Variants in TBC1D32 observed in about 807,000 individuals in gnomAD.
TBC1D32 encodes the protein TBC1 domain family member 32.
In TBC1D32, 151 loss-of-function variants were observed where a neutral mutation model predicts 170.3. The observed-to-expected ratio is 0.89, with a 90% CI of 0.78 to 1.01. The LOEUF (loss-of-function observed/expected upper bound fraction) is 1.01. TBC1D32 is among the 50% of genes least tolerant of loss of function. The pLI is 0.00. For synonymous variants in TBC1D32, 498 were observed against 488.0 expected, an observed-to-expected ratio of 1.02 and a Z score of -0.27; for missense variants, 1,464 against 1,457.1, an observed-to-expected ratio of 1.00 and a Z score of -0.08.
chr6:121,106,015 T>C lies in TBC1D32; in HGVS notation c.3465+8A>G. ...GAGTTGGAGAAATGCTACTCCCTTA[T>C]GGATTACCTGTGATGGTGCAAAACC... On this transcript the variant is annotated splice_region_variant and intron_variant, in intron 30 of 31. Coordinates refer to ENST00000398212, the MANE Select transcript of TBC1D32 (RefSeq NM_152730.6). 6.3e-7 allele frequency: 1 copy of C among 1,598,952 alleles called. No homozygotes were observed. Among genetic ancestry groups the C allele is most frequent in the Non-Finnish European group, 8.5e-7 (1 of 1,170,226 alleles).
chr6:121,089,743 A>C (rs1203401881), intron 31 of TBC1D32, among the ~76,000 whole-genome samples: 1 of 152,170 alleles, frequency 6.6e-6, no homozygotes, highest in Non-Finnish European at 1.5e-5. Flanking sequence ...TTAAAGAAAA[A>C]TATCGTTAAA....
chr6:121,113,109 CAATGCTTT>C lies in TBC1D32; in HGVS notation c.3114_3121del (p.Lys1039Ter). On this transcript the variant is annotated frameshift_variant, in exon 28 of 32. Transcript: ENST00000398212. LOFTEE classifies it high-confidence loss of function. Reference sequence around the variant, plus strand: ...TTGCTGCTGTTTCAGGAATCTCTCACAATGCTTTAAAACCCAGGTAAGATCATTTTCTG... The same window carrying C: ...TTGCTGCTGTTTCAGGAATCTCTCACAAAACCCAGGTAAGATCATTTTCTG... 10 of 1,611,446 alleles carry C rather than the reference CAATGCTTT, an allele frequency of 6.2e-6. No homozygotes were observed. The highest frequency in any genetic ancestry group is 8.5e-6 in the Non-Finnish European group (10 of 1,178,838).
intron 12 of TBC1D32, among the ~76,000 whole-genome samples, chr6:121,289,575 A>G (rs1221331792): frequency 6.6e-6 from 1 of 152,240 alleles, no homozygotes; most frequent in African/African-American, 2.4e-5. Context: ...CATACTGCCC[A>G]AGGCAATTTA....
rs777664246 is a variant in TBC1D32 at position 121,242,303 on chromosome 6, T to C, written c.2055A>G (p.Leu685=). ...ATCCTTTGGGGGTGGCAGCAAAATG[T>C]AGTAAATCATCTAACAAATTATCTT... ...AWEDNLLDDL[L]HFAATPKGLL... is the part of the protein sequence containing the mutation. The change falls in exon 18 of 32, where the codon CTA becomes CTG. Residue 685 remains leucine, a synonymous_variant. Coordinates refer to ENST00000398212, the MANE Select transcript of TBC1D32 (RefSeq NM_152730.6). 9 of 1,612,810 alleles carry C rather than the reference T, an allele frequency of 5.6e-6. No individual in the cohort carries two copies. The highest frequency in any genetic ancestry group is 2.7e-5 in the African/African-American group (2 of 74,892).
chr6:121,233,441 G>C (rs1228196369), intron 20 of TBC1D32, among the ~76,000 whole-genome samples: 1 of 152,068 alleles, frequency 6.6e-6, no homozygotes, highest in Non-Finnish European at 1.5e-5. Flanking sequence ...TGTGGGACTA[G>C]TCTTTTTATC....
At chr6:121,188,074 G>C (rs1245536324) in intron 22 of TBC1D32, among the ~76,000 whole-genome samples, 1 of 152,158 alleles carries the variant, frequency 6.6e-6, no homozygotes, top group Non-Finnish European at 1.5e-5. Context: ...CACTTTAATT[G>C]AATGGCTTAA....
intron 15 of TBC1D32, among the ~76,000 whole-genome samples, chr6:121,276,945 A>G (rs1802300874): frequency 6.6e-6 from 1 of 152,194 alleles, no homozygotes; most frequent in Admixed American, 6.5e-5. Flanking sequence ...AAATAGATGA[A>G]TTCACTAATA....
At chr6:121,152,770 A>G (rs575785577) in intron 24 of TBC1D32, among the ~76,000 whole-genome samples, 149 of 151,840 alleles carry the variant, frequency 9.8e-4, no homozygotes, top group Admixed American at 3.0e-3. Context: ...TCCCTGATAC[A>G]CTTTCTTCCG....
At chr6:121,114,088 C>T (rs1459049417) in intron 27 of TBC1D32, among the ~76,000 whole-genome samples, 3 of 152,056 alleles carry the variant, frequency 2.0e-5, no homozygotes, top group African/African-American at 7.2e-5. Flanking sequence ...GCAGGAGAAT[C>T]ACCTGAACCT....
At chr6:121,272,965 T>C (rs1463350552) in intron 15 of TBC1D32, among the ~76,000 whole-genome samples, 2 of 151,796 alleles carry the variant, frequency 1.3e-5, no homozygotes, top group African/African-American at 4.8e-5. Context: ...TGTAGGAACA[T>C]GGATGAAACT....
Position 121,283,836 on chromosome 6 carries a change from T to G in TBC1D32, c.1447A>C (p.Thr483Pro). ...IYYSPSCPKM[T>P]SAAHSENYSP... is the part of the protein sequence containing the mutation. Reference sequence around the variant, plus strand: ...GAATTACCTGAATGGGCAGCTGATGTCATCTTTGGACAACTTGGTGAGTAA... The same window carrying G: ...GAATTACCTGAATGGGCAGCTGATGGCATCTTTGGACAACTTGGTGAGTAA... The change falls in exon 13 of 32, where the codon ACA becomes CCA. Residue 483 changes from threonine (T) to proline (P), a missense_variant. By Grantham distance (38) the Thr-to-Pro change is conservative. Around this residue, in one of 3 missense-constraint regions of TBC1D32, gnomAD observed 1,363 missense variants for 1,338.1 expected, o/e 1.02. Transcript: ENST00000398212. The G allele has an allele frequency of 6.2e-7, 1 of 1,609,294 alleles. No homozygotes were observed. Among genetic ancestry groups the G allele is most frequent in the Non-Finnish European group, 8.5e-7 (1 of 1,176,894 alleles).
intron 22 of TBC1D32, among the ~76,000 whole-genome samples, chr6:121,178,651 G>A (rs1788099423): frequency 6.6e-6 from 1 of 152,056 alleles, no homozygotes; most frequent in Non-Finnish European, 1.5e-5. Context: ...GTGTAGGCAG[G>A]TCCTATGATA....
chr6:121,107,711 A>C (rs1285905992), intron 29 of TBC1D32, among the ~76,000 whole-genome samples: 1 of 151,948 alleles, frequency 6.6e-6, no homozygotes, highest in Non-Finnish European at 1.5e-5. Context: ...TCATAAGTGT[A>C]TTTTAGTTTT....
chr6:121,294,856 A>G (rs993358272), intron 10 of TBC1D32, among the ~76,000 whole-genome samples, 196 bp from the exon 11 acceptor site: 47 of 152,214 alleles, frequency 3.1e-4, no homozygotes, highest in African/African-American at 1.1e-3. Context: ...GAACACTGTG[A>G]AAATATTTGT....
chr6:121,300,204 G>A (rs1806253491), intron 9 of TBC1D32, among the ~76,000 whole-genome samples: 1 of 152,132 alleles, frequency 6.6e-6, no homozygotes, highest in African/African-American at 2.4e-5. Context: ...AGCACTTTGA[G>A]AGGATGAGGC....
chr6:121,100,812 A>G (rs1451102467), intron 30 of TBC1D32, among the ~76,000 whole-genome samples: 1 of 152,074 alleles, frequency 6.6e-6, no homozygotes, highest in Non-Finnish European at 1.5e-5. Context: ...TTTTTTTGAA[A>G]AGATCAACAA....
chr6:121,090,738 T>C, intron 31 of TBC1D32, 115 bp downstream of exon 31: 1 of 897,298 alleles, frequency 1.1e-6, no homozygotes, highest in South Asian at 1.6e-5. Flanking sequence ...TAATAGTATC[T>C]ACCTCTCACC....
chr6:121,273,949 AG>A (rs1563186429), intron 15 of TBC1D32, among the ~76,000 whole-genome samples: 1 of 152,074 alleles, frequency 6.6e-6, no homozygotes, highest in Non-Finnish European at 1.5e-5. Flanking sequence ...GCTGTGCTGG[AG>A]TTTCTCTGAG....
rs1160372863 is a variant in TBC1D32 at position 121,092,293 on chromosome 6, G to GTTTTTT, written c.3466-1258_3466-1253dup. ...AATATCTCTTCTCCTTCAGTTTTAT[G>GTTTTTT]TTTTTTTTTTTTTTTTTTTTTTTTT... On this transcript the variant is annotated intron_variant, in intron 30 of 31. Transcript: ENST00000398212. 2.4e-3 allele frequency among the ~76,000 whole-genome samples: 122 copies of GTTTTTT among 50,404 alleles called. 8 individuals are homozygous for GTTTTTT. Among genetic ancestry groups the GTTTTTT allele is most frequent in the Non-Finnish European group, 4.4e-3 (103 of 23,246 alleles). 33.1% of individuals were successfully genotyped at this position (50,404 alleles called of 152,430 possible).
Sources: allele counts gnomAD v4.1 joint callset (sites outside exome capture counted in the v4.1 genomes callset), GRCh38; gene constraint gnomAD v4.1.1; regional missense constraint gnomAD v4.1.1; transcripts MANE v1.5; gene names NCBI Gene and HGNC (gene_info 2026-07-23, HGNC 2026-07-21).